Variants in SNRPN observed in about 807,000 individuals in gnomAD.
The protein encoded by SNRPN is small nuclear ribonucleoprotein-associated protein N.
A neutral mutation model predicts 25.2 loss-of-function variants in SNRPN; 7 were observed. That is an observed-to-expected ratio of 0.28 (90% CI 0.16 to 0.52). The LOEUF is 0.52. Ranked by LOEUF, SNRPN falls within the 20% of genes least tolerant of loss-of-function variation. The pLI, the probability that SNRPN is intolerant of heterozygous loss-of-function variation, is 0.96. For missense variants in SNRPN, 196 were observed against 322.5 expected (o/e 0.61, Z 3.00); for synonymous variants, 124 against 110.6 (o/e 1.12, Z -0.76).
At chr15:24,875,836 C>A (rs2055805322) in intron 1 of SNRPN, among the ~76,000 whole-genome samples, 1 of 151,958 alleles carries the variant, frequency 6.6e-6, no homozygotes, top group African/African-American at 2.4e-5. Context: ...GGCAGATCAC[C>A]TGAGGTCAGG....
chr15:24,856,599 C>T (rs2053418168), exon 1 of SNRPN: 1 of 152,218 alleles, frequency 6.6e-6, no homozygotes, highest in African/African-American at 2.4e-5. Flanking sequence ...AGGCCAGCCG[C>T]CCCCTGTCTT....
chr15:24,888,177 C>T (rs35518936), intron 2 of SNRPN, among the ~76,000 whole-genome samples: 8,586 of 149,434 alleles, frequency 0.057, 543 homozygotes, highest in Admixed American at 0.18. Context: ...GGCACAATCT[C>T]GGCTCACCAC....
intron 1 of SNRPN, among the ~76,000 whole-genome samples, chr15:24,871,799 G>A (rs996367432): frequency 8.5e-5 from 12 of 141,548 alleles, no homozygotes; most frequent in Non-Finnish European, 1.4e-4. Context: ...CCGCCTCCCC[G>A]GTTCACACCA....
At chr15:24,902,938 C>T (rs1388748839) in intron 2 of SNRPN, among the ~76,000 whole-genome samples, 2 of 152,178 alleles carry the variant, frequency 1.3e-5, no homozygotes, top group African/African-American at 4.8e-5. Context: ...AGCTTTTATT[C>T]CCTTATTTGG....
chr15:24,824,345 T>G (rs2049929261), intron 1 of SNRPN, among the ~76,000 whole-genome samples: 2 of 152,124 alleles, frequency 1.3e-5, no homozygotes, highest in Admixed American at 6.5e-5. Context: ...TGCAAATGAG[T>G]GTCGTCATAT....
intron 2 of SNRPN, among the ~76,000 whole-genome samples, chr15:24,830,403 C>A (rs947589116): frequency 6.6e-6 from 1 of 152,188 alleles, no homozygotes. Context: ...TATCGATACT[C>A]ACTTGAAAAT....
intron 5 of SNRPN, 116 bp downstream of exon 5, chr15:24,975,625 G>A (rs1264636938): frequency 1.2e-6 from 1 of 813,878 alleles, no homozygotes; most frequent in Admixed American, 2.0e-5. Context: ...CTATGGTAGA[G>A]CCAGTCTATT....
intron 1 of SNRPN, among the ~76,000 whole-genome samples, chr15:24,881,544 A>G (rs187334849): frequency 8.1e-5 from 5 of 61,566 alleles, no homozygotes; most frequent in African/African-American, 3.3e-4. Context: ...AGAGAGAGAG[A>G]GAGAGAGAGA....
At chr15:24,884,974 G>T (rs2057064055) in intron 1 of SNRPN, among the ~76,000 whole-genome samples, 1 of 152,168 alleles carries the variant, frequency 6.6e-6, no homozygotes, top group Non-Finnish European at 1.5e-5. Context: ...GAAATGCCTT[G>T]TATTTAAGTT....
chr15:24,917,359 A>G (rs1395652633), intron 2 of SNRPN, among the ~76,000 whole-genome samples: 1 of 152,202 alleles, frequency 6.6e-6, no homozygotes, highest in Non-Finnish European at 1.5e-5. Context: ...TATGTTTTAT[A>G]GTAGATGTTA....
chr15:24,930,824 G>C (rs1184272626), intron 3 of SNRPN, among the ~76,000 whole-genome samples: 1 of 151,750 alleles, frequency 6.6e-6, no homozygotes, highest in East Asian at 1.9e-4. Context: ...GCTTGAACCT[G>C]GGAGGTGGAG....
chr15:24,955,199 C>T, intron 1 of SNRPN, 137 bp downstream of exon 1: 1 of 1,205,474 alleles, frequency 8.3e-7, no homozygotes, highest in Non-Finnish European at 1.2e-6. Flanking sequence ...TTCTGGAGAA[C>T]CAGATCCGGA....
chr15:24,858,468 G>C (rs1369729491), intron 1 of SNRPN, among the ~76,000 whole-genome samples: 3 of 151,912 alleles, frequency 2.0e-5, no homozygotes, highest in African/African-American at 7.3e-5. Context: ...AATTGAACAT[G>C]GATTTCCTCC....
intron 1 of SNRPN, among the ~76,000 whole-genome samples, chr15:24,878,889 C>G (rs1024063): frequency 0.81 from 123,195 of 151,960 alleles, 50,150 homozygotes; most frequent in East Asian, 0.98. Flanking sequence ...ATCTTTTCCA[C>G]TAATATACCT....
At chr15:24,969,381 G>A (rs61999156) in intron 3 of SNRPN, among the ~76,000 whole-genome samples, 7,702 of 134,286 alleles carry the variant, frequency 0.057, 214 homozygotes, top group Non-Finnish European at 0.069. Flanking sequence ...CACCTGCCTT[G>A]GCCTCTCAAA....
chr15:24,939,335 T>G lies in SNRPN; in HGVS notation c.-391+19211T>G, dbSNP rs547765631. ...ATTTTGATTTTGATTTCCCTGATGA[T>G]TAGTGATGCTGAGCATCTTTGGATG... On this transcript the variant is annotated intron_variant, in intron 3 of 11. Transcript: ENST00000400097. 3.3e-5 allele frequency among the ~76,000 whole-genome samples: 5 copies of G among 152,320 alleles called. No individual in the cohort carries two copies. In the East Asian group the frequency reaches 9.6e-4, roughly 29 times the overall value.
chr15:24,897,320 C>A (rs2058134203), intron 2 of SNRPN, among the ~76,000 whole-genome samples: 1 of 152,112 alleles, frequency 6.6e-6, no homozygotes, highest in Non-Finnish European at 1.5e-5. Flanking sequence ...GATGTGGTGG[C>A]TCACACCTGT....
intron 2 of SNRPN, among the ~76,000 whole-genome samples, chr15:24,834,745 C>CTATATATA (rs2050875157): frequency 2.6e-5 from 2 of 76,994 alleles, no homozygotes; most frequent in Non-Finnish European, 4.9e-5. Flanking sequence ...CTCTCTCTCT[C>CTATATATA]TCTCTCTATA....
rs1395237042 is a variant in SNRPN at position 24,864,032 on chromosome 15, A to AT, written c.-579+7327dup. 1.8e-3 allele frequency among the ~76,000 whole-genome samples: 248 copies of AT among 137,672 alleles called. 8 individuals are homozygous for AT. Among genetic ancestry groups the AT allele is most frequent in the Middle Eastern group, 7.4e-3 (2 of 270 alleles). The allele number at this position is 137,672 out of a possible 152,430, so 90.3% of individuals were successfully genotyped here. On this transcript the variant is annotated intron_variant, in intron 1 of 11. Transcript: ENST00000400097. ...ATTTATTTATTTTTATTTTATTATT[A>AT]TTTTTTTTTTTGGAGAGGGAGTCTC...
Sources: allele counts gnomAD v4.1 joint callset (sites outside exome capture counted in the v4.1 genomes callset), GRCh38; gene constraint gnomAD v4.1.1; transcripts MANE v1.5; gene names NCBI Gene and HGNC (gene_info 2026-07-23, HGNC 2026-07-21).